ROBO1: variants seen among roughly 807,000 people sequenced by gnomAD.
ROBO1 encodes the protein roundabout guidance receptor 1.
In ROBO1, 149 loss-of-function variants were observed where a neutral mutation model predicts 195.9. That is an observed-to-expected ratio of 0.76 (90% confidence interval 0.67 to 0.87). The LOEUF (loss-of-function observed/expected upper bound fraction) is 0.87. ROBO1 is among the 40% of genes least tolerant of loss of function. The probability of loss-of-function intolerance (pLI) is 0.00; values close to 1 mark genes in which losing one functional copy is unlikely to be tolerated. For missense variants in ROBO1, 1,933 were observed against 2,068.3 expected (o/e 0.93, Z 1.27); for synonymous variants, 816 against 733.2 (o/e 1.11, Z -1.82).
chr3:79,395,340 A>AAGAAAGAAAGAAAGAAAGAAAGAAAG (rs1553733528), intron 2 of ROBO1, among the ~76,000 whole-genome samples: 1 of 119,062 alleles, frequency 8.4e-6, no homozygotes, highest in African/African-American at 3.1e-5. Context: ...AAAAAAAAAA[A>AAGAAAGAAAGAAAGAAAGAAAGAAAG]AAAGAAAGAA....
chr3:79,107,116 CT>C (rs2079796420), intron 3 of ROBO1, among the ~76,000 whole-genome samples: 1 of 139,244 alleles, frequency 7.2e-6, no homozygotes, highest in African/African-American at 2.6e-5. Flanking sequence ...TTCTCTCTCT[CT>C]CTCTCTCTCT....
chr3:79,220,762 A>T (rs2082123601), intron 2 of ROBO1, among the ~76,000 whole-genome samples: 1 of 152,060 alleles, frequency 6.6e-6, no homozygotes, highest in Non-Finnish European at 1.5e-5. Flanking sequence ...TCCTTATGTG[A>T]CATTTTTCTA....
intron 1 of ROBO1, among the ~76,000 whole-genome samples, chr3:79,612,474 A>G (rs1233763076): frequency 2.6e-5 from 4 of 151,950 alleles, no homozygotes; most frequent in African/African-American, 7.3e-5. Flanking sequence ...ATTGTGACTA[A>G]TGCTGCAATA....
chr3:78,932,886 G>C (rs2039608223), intron 4 of ROBO1, among the ~76,000 whole-genome samples: 1 of 151,984 alleles, frequency 6.6e-6, no homozygotes, highest in African/African-American at 2.4e-5. Context: ...TATAATTTTA[G>C]AATTTTTTTA....
intron 2 of ROBO1, among the ~76,000 whole-genome samples, chr3:79,167,744 T>C (rs981979403): frequency 2.8e-4 from 42 of 152,346 alleles, no homozygotes; most frequent in Admixed American, 2.5e-3. Flanking sequence ...ATTAAGATGT[T>C]TGAAGAACTT....
intron 2 of ROBO1, among the ~76,000 whole-genome samples, chr3:79,155,118 A>G (rs2080836159): frequency 1.3e-5 from 2 of 151,758 alleles, no homozygotes; most frequent in South Asian, 4.1e-4. Flanking sequence ...AGCAGGCTAC[A>G]TCTATGTCTC....
intron 2 of ROBO1, among the ~76,000 whole-genome samples, chr3:79,524,186 TGACA>T (rs1941334182): frequency 2.7e-5 from 4 of 147,988 alleles, no homozygotes; most frequent in Admixed American, 2.0e-4. Flanking sequence ...TGTGTGTGTG[TGACA>T]GAGACAGAGA....
chr3:78,654,187 G>A (rs1270461811), intron 18 of ROBO1, among the ~76,000 whole-genome samples: 6 of 152,122 alleles, frequency 3.9e-5, no homozygotes, highest in Admixed American at 1.3e-4. Context: ...AATAAGCAAC[G>A]TTCAATGATG....
chr3:78,819,465 C>T (rs1269160475), intron 4 of ROBO1, among the ~76,000 whole-genome samples: 7 of 149,202 alleles, frequency 4.7e-5, no homozygotes, highest in African/African-American at 1.7e-4. Context: ...AAAACAAAAC[C>T]TTTTTTTTTC....
intron 3 of ROBO1, among the ~76,000 whole-genome samples, chr3:79,079,722 G>T (rs892305222): frequency 1.3e-5 from 2 of 151,628 alleles, no homozygotes; most frequent in Admixed American, 1.3e-4. Context: ...AACCCATAGT[G>T]CCTGCTCATC....
intron 3 of ROBO1, among the ~76,000 whole-genome samples, chr3:79,095,557 G>C (rs776953114): frequency 2.6e-5 from 4 of 152,012 alleles, no homozygotes; most frequent in Non-Finnish European, 5.9e-5. Context: ...CTTTTTTACT[G>C]CAATCTCAGG....
intron 1 of ROBO1, among the ~76,000 whole-genome samples, chr3:79,722,944 T>G (rs552559064): frequency 6.6e-6 from 1 of 152,322 alleles, no homozygotes; most frequent in Admixed American, 6.5e-5. Context: ...TCACAGGTAC[T>G]GCTCAACAGT....
At chr3:79,049,601 T>C (rs933190490) in intron 3 of ROBO1, among the ~76,000 whole-genome samples, 4 of 152,090 alleles carry the variant, frequency 2.6e-5, no homozygotes, top group African/African-American at 9.7e-5. Context: ...AATTGTCAGA[T>C]TCACCAAGGT....
intron 10 of ROBO1, among the ~76,000 whole-genome samples, chr3:78,680,754 C>A (rs896970332): frequency 4.8e-5 from 7 of 145,798 alleles, no homozygotes; most frequent in African/African-American, 1.8e-4. Flanking sequence ...ACTAGTTCAA[C>A]CATTGTGGAA....
At chr3:79,215,536 T>A (rs892985715) in intron 2 of ROBO1, among the ~76,000 whole-genome samples, 1 of 152,122 alleles carries the variant, frequency 6.6e-6, no homozygotes. Flanking sequence ...TAAATGACAG[T>A]CAGTCCCTGA....
chr3:78,942,540 G>C lies in ROBO1; in HGVS notation c.173-3613C>G, dbSNP rs533769217. 2.0e-5 allele frequency among the ~76,000 whole-genome samples: 3 copies of C among 152,250 alleles called. No individual in the cohort carries two copies. The East Asian group carries it at 5.8e-4, about 30-fold the overall frequency. The stretch of plus-strand genomic sequence containing the variant: ...GTCTCACTGAAGGCAGGGAATAAGA[G>C]AGTGAAATTTGGTAAAAGGAAGAAG... On this transcript the variant is annotated intron_variant, in intron 3 of 30. Transcript: ENST00000464233.
At chr3:79,306,761 A>G (rs751079219) in intron 2 of ROBO1, among the ~76,000 whole-genome samples, 3 of 152,228 alleles carry the variant, frequency 2.0e-5, no homozygotes, top group Non-Finnish European at 2.9e-5. Flanking sequence ...ATAATAAAGC[A>G]ATTTTCACTT....
intron 2 of ROBO1, among the ~76,000 whole-genome samples, chr3:79,248,374 C>CAAAAAAAAA (rs10559171): frequency 1.1e-4 from 4 of 36,202 alleles, no homozygotes; most frequent in Non-Finnish European, 1.7e-4. Flanking sequence ...GAAGACAGAC[C>CAAAAAAAAA]AAAAAAAAAA....
chr3:79,445,553 G>A (rs1444496413), intron 2 of ROBO1, among the ~76,000 whole-genome samples: 2 of 141,850 alleles, frequency 1.4e-5, no homozygotes, highest in Non-Finnish European at 3.0e-5. Context: ...AGGCTGGAGT[G>A]TAGTGGTGTG....
Sources: allele counts gnomAD v4.1 joint callset (sites outside exome capture counted in the v4.1 genomes callset), GRCh38; gene constraint gnomAD v4.1.1; transcripts MANE v1.5; gene names NCBI Gene and HGNC (gene_info 2026-07-23, HGNC 2026-07-21).